TAOK3: variants seen among roughly 807,000 people sequenced by gnomAD.
TAOK3 encodes the protein serine/threonine-protein kinase TAO3.
A neutral mutation model predicts 120.4 loss-of-function variants in TAOK3; 40 were observed. The ratio of observed to expected loss-of-function variants is 0.33; its 90% CI spans 0.26 to 0.43. The LOEUF (loss-of-function observed/expected upper bound fraction) is 0.43, where lower values mean the gene tolerates loss of function less well. TAOK3 is among the 20% of genes least tolerant of loss of function. TAOK3 has a pLI of 1.00. For missense variants in TAOK3, 821 were observed against 1,112.1 expected, an observed-to-expected ratio of 0.74 and a Z score of 3.72; for synonymous variants, 355 against 387.5, an observed-to-expected ratio of 0.92 and a Z score of 0.99.
rs77432511 is a variant in TAOK3 at position 118,163,070 on chromosome 12, T to A, written c.1900-1043A>T. Among the ~76,000 whole-genome samples, 1,315 of 152,280 alleles carry A rather than the reference T, an allele frequency of 8.6e-3. 11 individuals are homozygous for A. The highest frequency in any genetic ancestry group is 0.029 in the African/African-American group (1,211 of 41,550). ...ATTTAGATACGTGGCCCAACCTGGG[T>A]CAATTTATTTTCTCTACTCGGAATT... On this transcript the variant is annotated intron_variant, in intron 17 of 20. Coordinates refer to ENST00000392533, the MANE Select transcript of TAOK3 (RefSeq NM_016281.4).
At chr12:118,335,648 T>C (rs750783173) in intron 1 of TAOK3, among the ~76,000 whole-genome samples, 4 of 152,056 alleles carry the variant, frequency 2.6e-5, no homozygotes, top group East Asian at 1.9e-4. Context: ...CTGGTCAACA[T>C]GGTGAAACCC....
chr12:118,253,966 T>C (rs1001741314), intron 3 of TAOK3, among the ~76,000 whole-genome samples: 4 of 151,478 alleles, frequency 2.6e-5, no homozygotes, highest in African/African-American at 9.7e-5. Context: ...GGAGAATTGC[T>C]TGAACTGGGA....
chr12:118,192,231 A>G (rs2037470651), intron 13 of TAOK3, among the ~76,000 whole-genome samples: 1 of 152,244 alleles, frequency 6.6e-6, no homozygotes, highest in African/African-American at 2.4e-5. Context: ...CACCGGAAAA[A>G]TTAAAACTTG....
intron 17 of TAOK3, among the ~76,000 whole-genome samples, chr12:118,165,002 G>A (rs1165706866): frequency 6.6e-6 from 1 of 151,800 alleles, no homozygotes; most frequent in Non-Finnish European, 1.5e-5. Flanking sequence ...TAGGAACTAG[G>A]GATAGAACAG....
intron 1 of TAOK3, among the ~76,000 whole-genome samples, chr12:118,320,754 G>C (rs1170753134): frequency 6.6e-6 from 1 of 152,136 alleles, no homozygotes; most frequent in African/African-American, 2.4e-5. Flanking sequence ...CTAGAAGTTT[G>C]TGAAAAAAGA....
At chr12:118,318,572 C>T (rs1232921359) in intron 1 of TAOK3, among the ~76,000 whole-genome samples, 1 of 152,056 alleles carries the variant, frequency 6.6e-6, no homozygotes, top group Admixed American at 6.5e-5. Flanking sequence ...AGCAAAAAGA[C>T]AAAAGACTGA....
At chr12:118,351,351 G>C (rs2045144595) in intron 1 of TAOK3, among the ~76,000 whole-genome samples, 1 of 152,058 alleles carries the variant, frequency 6.6e-6, no homozygotes. Context: ...TTCCTTATTA[G>C]TTAAGGAAGA....
intron 1 of TAOK3, among the ~76,000 whole-genome samples, chr12:118,278,811 T>A (rs1593389428): frequency 6.6e-6 from 1 of 152,154 alleles, no homozygotes; most frequent in East Asian, 1.9e-4. Context: ...TGTTATTTTT[T>A]ATTTTTATTT....
intron 1 of TAOK3, among the ~76,000 whole-genome samples, chr12:118,312,150 T>A (rs1434501438): frequency 6.6e-6 from 1 of 152,128 alleles, no homozygotes; most frequent in Non-Finnish European, 1.5e-5. Context: ...TCTATAATTT[T>A]AAAAAACTTT....
intron 1 of TAOK3, among the ~76,000 whole-genome samples, chr12:118,355,895 G>C (rs975815074): frequency 6.6e-6 from 1 of 152,118 alleles, no homozygotes; most frequent in African/African-American, 2.4e-5. Context: ...CTGAGGTTTC[G>C]GGGAGGTTAA....
chr12:118,157,247 C>T (rs139323193), intron 19 of TAOK3, among the ~76,000 whole-genome samples: 12 of 152,310 alleles, frequency 7.9e-5, no homozygotes, highest in Admixed American at 3.3e-4. Flanking sequence ...CTCCTAATAT[C>T]CATTCTTCCC....
At chr12:118,217,816 C>CGTGT (rs1565963561) in intron 9 of TAOK3, among the ~76,000 whole-genome samples, 4,622 of 45,816 alleles carry the variant, frequency 0.1, 671 homozygotes, top group Middle Eastern at 0.15. Flanking sequence ...TGTGTGTATA[C>CGTGT]ATATATATAT....
intron 3 of TAOK3, among the ~76,000 whole-genome samples, chr12:118,250,554 A>G (rs903504454): frequency 2.0e-5 from 3 of 152,176 alleles, no homozygotes; most frequent in African/African-American, 7.2e-5. Flanking sequence ...AGTACTAATT[A>G]GCAGTACCAA....
At chr12:118,301,343 C>T (rs550548776) in intron 1 of TAOK3, among the ~76,000 whole-genome samples, 1 of 152,146 alleles carries the variant, frequency 6.6e-6, no homozygotes, top group African/African-American at 2.4e-5. Flanking sequence ...AACTCTAGCA[C>T]TTAGCACAGT....
chr12:118,244,972 TAA>T lies in TAOK3; in HGVS notation c.121-9_121-8del, dbSNP rs1253202396. ...TGGTGTGAGCATTTGTAGCCTGTGT[TAA>T]GAGGGTAGAAGAAAAAGAAAAAGAA... is the stretch of plus-strand genomic sequence containing the variant. On this transcript the variant is annotated splice_region_variant and splice_polypyrimidine_tract_variant and intron_variant, in intron 3 of 20. Transcript: ENST00000392533. 5 of 1,593,652 alleles carry T rather than the reference TAA, an allele frequency of 3.1e-6. No individual in the cohort carries two copies. The highest frequency in any genetic ancestry group is 1.1e-5 in the South Asian group (1 of 90,202).
chr12:118,358,600 A>G (rs1388070572), intron 1 of TAOK3, among the ~76,000 whole-genome samples: 1 of 152,198 alleles, frequency 6.6e-6, no homozygotes, highest in Non-Finnish European at 1.5e-5. Flanking sequence ...TTTTATTTAA[A>G]AGACTCTTCC....
intron 11 of TAOK3, among the ~76,000 whole-genome samples, chr12:118,205,664 G>A (rs1308877825): frequency 3.3e-5 from 5 of 152,142 alleles, no homozygotes; most frequent in Non-Finnish European, 5.9e-5. Flanking sequence ...AGGCTAGAGT[G>A]CAGTGGTGCA....
chr12:118,253,509 G>GT (rs1234895361), intron 3 of TAOK3, among the ~76,000 whole-genome samples: 1 of 152,070 alleles, frequency 6.6e-6, no homozygotes. Flanking sequence ...AGGCCGAGAC[G>GT]GGTAGATCAC....
At chr12:118,276,936 C>T (rs2041923169) in intron 1 of TAOK3, among the ~76,000 whole-genome samples, 1 of 152,104 alleles carries the variant, frequency 6.6e-6, no homozygotes, top group Non-Finnish European at 1.5e-5. Context: ...ACCCAGGAGA[C>T]AGAGGTTGCA....
Sources: gnomAD v4.1 joint callset for allele counts (sites outside exome capture counted in the v4.1 genomes callset) on GRCh38, gnomAD v4.1.1 for gene constraint, MANE v1.5 for transcripts, NCBI Gene and HGNC (gene_info 2026-07-23, HGNC 2026-07-21) for gene names.